LIMCH1: variants seen among roughly 807,000 people sequenced by gnomAD.
LIMCH1 encodes LIM and calponin homology domains 1, also known as LIM and calponin homology domains-containing protein 1.
A neutral mutation model predicts 176.5 loss-of-function variants in LIMCH1; 113 were observed. The ratio of observed to expected loss-of-function variants is 0.64; its 90% CI spans 0.55 to 0.75. The LOEUF (loss-of-function observed/expected upper bound fraction) is 0.75, where lower values mean the gene tolerates loss of function less well. LIMCH1 is among the 30% of genes least tolerant of loss of function. The pLI is 0.00. For missense variants in LIMCH1, 1,674 were observed against 1,814.9 expected, an observed-to-expected ratio of 0.92 and a Z score of 1.41; for synonymous variants, 619 against 645.9, an observed-to-expected ratio of 0.96 and a Z score of 0.63.
chr4:41,448,335 GGTGATGTC>G (rs1403150765), intron 1 of LIMCH1, among the ~76,000 whole-genome samples: 1 of 152,088 alleles, frequency 6.6e-6, no homozygotes, highest in East Asian at 1.9e-4. Flanking sequence ...TTGAGGCTAG[GGTGATGTC>G]TGATTGAGAA....
intron 1 of LIMCH1, among the ~76,000 whole-genome samples, chr4:41,361,864 T>A (rs2052133038): frequency 6.6e-6 from 1 of 152,144 alleles, no homozygotes; most frequent in Non-Finnish European, 1.5e-5. Flanking sequence ...TCAGCTTCAA[T>A]GGGTGGCCTT....
chr4:41,389,953 G>C (rs1561213349), intron 1 of LIMCH1, among the ~76,000 whole-genome samples: 1 of 152,146 alleles, frequency 6.6e-6, no homozygotes, highest in Non-Finnish European at 1.5e-5. Flanking sequence ...GGTTTACCTT[G>C]AAAGCCTTTC....
chr4:41,604,820 A>C (rs73135465), intron 3 of LIMCH1, among the ~76,000 whole-genome samples: 7,163 of 152,206 alleles, frequency 0.047, 177 homozygotes, highest in Admixed American at 0.074. Flanking sequence ...TTCATGAAGT[A>C]AAATTTTCCC....
At chr4:41,549,967 T>G (rs1329694099) in intron 1 of LIMCH1, among the ~76,000 whole-genome samples, 1 of 151,710 alleles carries the variant, frequency 6.6e-6, no homozygotes, top group Non-Finnish European at 1.5e-5. Flanking sequence ...AATTATTAGG[T>G]TGGTACAAAA....
At chr4:41,597,187 T>G (rs953157463) in intron 1 of LIMCH1, among the ~76,000 whole-genome samples, 3 of 152,112 alleles carry the variant, frequency 2.0e-5, no homozygotes, top group Admixed American at 6.5e-5. Flanking sequence ...GGCCTCAGAT[T>G]TTATGCTTCA....
chr4:41,638,637 A>G (rs933763899), intron 13 of LIMCH1, among the ~76,000 whole-genome samples: 1 of 152,062 alleles, frequency 6.6e-6, no homozygotes, highest in Non-Finnish European at 1.5e-5. Context: ...ATTGCACCTA[A>G]GCCTTTCTGT....
chr4:41,469,945 G>C (rs755434677), intron 1 of LIMCH1, among the ~76,000 whole-genome samples: 11 of 152,180 alleles, frequency 7.2e-5, no homozygotes, highest in Non-Finnish European at 1.2e-4. Context: ...CTCCCAAGGT[G>C]CTGGGATTAC....
At chr4:41,378,232 T>C (rs1011764131) in intron 1 of LIMCH1, among the ~76,000 whole-genome samples, 5 of 152,194 alleles carry the variant, frequency 3.3e-5, no homozygotes, top group African/African-American at 1.2e-4. Context: ...AGCAGAGGCC[T>C]TGTGTGCCAT....
At chr4:41,680,924 C>A in intron 24 of LIMCH1, 31 bp from the exon 25 acceptor site, 1 of 1,179,752 alleles carries the variant, frequency 8.5e-7, no homozygotes, top group South Asian at 1.3e-5. Context: ...TTATTTTCCC[C>A]CCTTTCATCG....
chr4:41,435,202 T>A (rs1048598213), intron 1 of LIMCH1, among the ~76,000 whole-genome samples: 4 of 152,166 alleles, frequency 2.6e-5, no homozygotes, highest in African/African-American at 4.8e-5. Flanking sequence ...GACCCTATGT[T>A]ACCACAGAAG....
upstream of LIMCH1, among the ~76,000 whole-genome samples, chr4:41,535,162 CAAA>C (rs61639965): frequency 0.035 from 2,968 of 83,936 alleles, 15 homozygotes; most frequent in Middle Eastern, 0.085. Context: ...GACCCTGTCA[CAAA>C]AAAAAAAAAA....
chr4:41,498,329 A>G (rs1269437882), intron 2 of LIMCH1, among the ~76,000 whole-genome samples: 1 of 152,212 alleles, frequency 6.6e-6, no homozygotes, highest in Non-Finnish European at 1.5e-5. Context: ...CTCTTACTCC[A>G]TATGGCTTTG....
rs776621785 is a variant in LIMCH1 at position 41,692,282 on chromosome 4, T to A, written c.4276T>A (p.Cys1426Ser). 1 of 1,589,646 alleles carries A rather than the reference T, an allele frequency of 6.3e-7. No homozygotes were observed. The highest frequency in any genetic ancestry group is 8.6e-7 in the Non-Finnish European group (1 of 1,157,798). ...GATGTCTGTTCTTTTTACCCTATAGTGTGGAATTTGTAAAGGCCAGCTTGG... is the reference window on the plus strand; with the variant it reads ...GATGTCTGTTCTTTTTACCCTATAGAGTGGAATTTGTAAAGGCCAGCTTGG... The part of the protein sequence containing the change: ...NLYFHIQCFR[C>S]GICKGQLGDA... The change falls in exon 31 of 32, where the codon TGT (cysteine) becomes AGT (serine). Residue 1426 changes from cysteine to serine, a missense_variant and splice_region_variant. This residue lies in a region of LIMCH1 where 1,015 missense variants were observed against 1,102.5 expected (regional missense o/e 0.92). Coordinates refer to ENST00000503057, the MANE Select transcript of LIMCH1 (RefSeq NM_001330672.2).
chr4:41,409,524 T>G (rs2154122735), intron 1 of LIMCH1, among the ~76,000 whole-genome samples: 1 of 152,360 alleles, frequency 6.6e-6, no homozygotes, highest in Non-Finnish European at 1.5e-5. Flanking sequence ...TTTATTAATC[T>G]TTTAAGAAAT....
chr4:41,394,007 T>C (rs2057539841), intron 1 of LIMCH1, among the ~76,000 whole-genome samples: 1 of 152,180 alleles, frequency 6.6e-6, no homozygotes, highest in Non-Finnish European at 1.5e-5. Flanking sequence ...GTCTGAAGTA[T>C]CTGGGTTTAA....
intron 7 of LIMCH1, among the ~76,000 whole-genome samples, chr4:41,625,598 A>G (rs910407478): frequency 6.6e-6 from 1 of 152,162 alleles, no homozygotes; most frequent in East Asian, 1.9e-4. Flanking sequence ...CAAATAGCCA[A>G]TGATACGGAA....
chr4:41,395,353 C>T (rs1011160125), intron 1 of LIMCH1, among the ~76,000 whole-genome samples: 1 of 151,738 alleles, frequency 6.6e-6, no homozygotes, highest in Non-Finnish European at 1.5e-5. Flanking sequence ...CTGTCTCACC[C>T]TCCCAAGTAG....
rs2094833698 is a variant in LIMCH1 at position 41,666,554 on chromosome 4, T to C, written c.3292-7T>C. The C allele has an allele frequency of 1.3e-6, 2 of 1,594,652 alleles. No individual in the cohort carries two copies. Among genetic ancestry groups the C allele is most frequent in the African/African-American group, 2.7e-5 (2 of 74,540 alleles). ...TGCAATATTTATACCTGTTTTCCATTGTCCAGGTGGTAAAGCCAAAATCTC... is the reference window on the plus strand; with the variant it reads ...TGCAATATTTATACCTGTTTTCCATCGTCCAGGTGGTAAAGCCAAAATCTC... On this transcript the variant is annotated splice_polypyrimidine_tract_variant and splice_region_variant and intron_variant, in intron 20 of 31. Transcript: ENST00000503057.
chr4:41,445,452 C>T (rs183083559), intron 1 of LIMCH1, among the ~76,000 whole-genome samples: 6 of 152,316 alleles, frequency 3.9e-5, no homozygotes, highest in African/African-American at 7.2e-5. Flanking sequence ...TCTTCTGAGA[C>T]GAACCCCTGT....
Sources: gnomAD v4.1 joint callset for allele counts (sites outside exome capture counted in the v4.1 genomes callset) on GRCh38, gnomAD v4.1.1 for gene constraint, gnomAD v4.1.1 regional missense constraint, MANE v1.5 for transcripts, NCBI Gene and HGNC (gene_info 2026-07-23, HGNC 2026-07-21) for gene names.